MLXIP: variants seen among roughly 807,000 people sequenced by gnomAD.
MLXIP encodes MLX-interacting protein.
In MLXIP, 30 loss-of-function variants were observed where a neutral mutation model predicts 87.2. That is an observed-to-expected ratio of 0.34 (90% CI 0.26 to 0.47). The LOEUF (loss-of-function observed/expected upper bound fraction) is 0.47, where lower values mean the gene tolerates loss of function less well. MLXIP is among the 20% of genes least tolerant of loss of function. The pLI, the probability that MLXIP is intolerant of heterozygous loss-of-function variation, is 1.00. For missense variants in MLXIP, 1,002 were observed against 1,240.1 expected, an observed-to-expected ratio of 0.81 and a Z score of 2.88; for synonymous variants, 530 against 514.0, an observed-to-expected ratio of 1.03 and a Z score of -0.42.
At chr12:122,123,292 G>A (rs1224505130) in intron 1 of MLXIP, among the ~76,000 whole-genome samples, 1 of 152,180 alleles carries the variant, frequency 6.6e-6, no homozygotes. Context: ...CGGGCTGGGG[G>A]TGCAGGCCGT....
At chr12:122,116,792 G>A (rs1952698843) in intron 1 of MLXIP, among the ~76,000 whole-genome samples, 1 of 152,236 alleles carries the variant, frequency 6.6e-6, no homozygotes. Context: ...CAGCTGTCCA[G>A]TGTGGTGGAT....
At chr12:122,126,920 T>C (rs1222350874) in intron 1 of MLXIP, among the ~76,000 whole-genome samples, 1 of 152,150 alleles carries the variant, frequency 6.6e-6, no homozygotes, top group Non-Finnish European at 1.5e-5. Context: ...GCATGCCCAG[T>C]GTTCAGTTTG....
In MLXIP at chr12:122,135,579, T is replaced by C; in HGVS notation, c.1945T>C (p.Phe649Leu). ...SSPPAPVSRL[F>L]PSTAQDPLGK... The stretch of plus-strand genomic sequence containing the variant: ...CCCGCCTGCCCCCGTCTCCCGGCTC[T>C]TCCCAAGCACAGCGCAAGACCCCCT... The change falls in exon 11 of 17, where the codon TTC becomes CTC. Residue 649 changes from phenylalanine (F) to leucine (L), a missense_variant. Coordinates refer to ENST00000319080, the MANE Select transcript of MLXIP (RefSeq NM_014938.6). The surrounding 1 kb of genome is among the most constrained non-coding windows in gnomAD (Gnocchi z 5.3). The C allele has an allele frequency of 6.3e-7, 1 of 1,597,096 alleles. No individual in the cohort carries two copies. The highest frequency in any genetic ancestry group is 1.7e-5 in the Admixed American group (1 of 57,548).
At chr12:122,131,297 G>C (rs921370505) in intron 7 of MLXIP, among the ~76,000 whole-genome samples, 4 of 152,136 alleles carry the variant, frequency 2.6e-5, no homozygotes, top group African/African-American at 9.6e-5. Flanking sequence ...GTGTTTCAGA[G>C]CCCAGGATAG....
At chr12:122,093,032 GTGGTGTGTGTGTA>G (rs1285383381) in intron 1 of MLXIP, among the ~76,000 whole-genome samples, 4 of 142,564 alleles carry the variant, frequency 2.8e-5, no homozygotes, top group Admixed American at 1.4e-4. Flanking sequence ...ATATGTATGT[GTGGTGTGTGTGTA>G]TGGTGTGTGT....
intron 4 of MLXIP, 73 bp downstream of exon 4, chr12:122,129,299 C>A: frequency 2.9e-6 from 4 of 1,367,976 alleles, no homozygotes; most frequent in South Asian, 1.2e-5. Flanking sequence ...GGGCCCTGGC[C>A]GAGGCGGTAG....
At position 122,137,189 on chromosome 12, in the gene MLXIP, A is replaced by G. The variant is rs1356624673; in HGVS notation, c.2033-280A>G. ...AATAATAATAAAGAGCCCACCTGCG[A>G]AATATCTCGTAAAGCGACACCAGTG... On this transcript the variant is annotated intron_variant, in intron 11 of 16. Coordinates refer to ENST00000319080, the MANE Select transcript of MLXIP (RefSeq NM_014938.6). This position sits in a 1 kb window ranked among gnomAD's most constrained non-coding sequence, Gnocchi z 4.1. 3.7e-6 allele frequency: 1 copy of G among 267,988 alleles called. No homozygotes were observed. Among genetic ancestry groups the G allele is most frequent in the Non-Finnish European group, 6.9e-6 (1 of 144,350 alleles). 16.6% of individuals were successfully genotyped at this position (267,988 alleles called of 1,614,324 possible).
chr12:122,100,380 A>C (rs915199205), intron 1 of MLXIP, among the ~76,000 whole-genome samples: 2 of 152,212 alleles, frequency 1.3e-5, no homozygotes, highest in Non-Finnish European at 2.9e-5. Context: ...TTTCTAGATC[A>C]CTGTTTATTT....
chr12:122,106,074 T>C (rs976382989), intron 1 of MLXIP, among the ~76,000 whole-genome samples: 44 of 152,258 alleles, frequency 2.9e-4, no homozygotes, highest in Non-Finnish European at 5.7e-4. Flanking sequence ...GTTGGGACTT[T>C]GATCCTAGGC....
intron 1 of MLXIP, among the ~76,000 whole-genome samples, chr12:122,091,867 G>A (rs1445843368): frequency 1.3e-5 from 2 of 152,138 alleles, no homozygotes; most frequent in African/African-American, 4.8e-5. Flanking sequence ...TGAGCCTAGT[G>A]TTATGAGATT....
intron 1 of MLXIP, among the ~76,000 whole-genome samples, chr12:122,121,971 G>A (rs118062230): frequency 1.3e-5 from 2 of 152,296 alleles, no homozygotes; most frequent in Non-Finnish European, 2.9e-5. Flanking sequence ...CACGTGCCAG[G>A]CCCTGTGCTG....
chr12:122,129,786 TG>T, intron 5 of MLXIP, 154 bp from the exon 6 acceptor site: 1 of 1,282,264 alleles, frequency 7.8e-7, no homozygotes, highest in Non-Finnish European at 1.1e-6. Flanking sequence ...CTCTCCTGGG[TG>T]GGCTGGAGGG....
chr12:122,135,635 G>A lies in MLXIP; in HGVS notation c.2001G>A (p.Gly667=). 1 of 1,544,268 alleles carries A rather than the reference G, an allele frequency of 6.5e-7. No homozygotes were observed. The highest frequency in any genetic ancestry group is 8.7e-7 in the Non-Finnish European group (1 of 1,146,618). ...LGKGEQVPLH[G]GSPQVTVTGP... ...AGGGCGAGCAGGTCCCGCTGCATGG[G>A]GGCAGCCCCCAGGTCACTGTCACAG... is the stretch of plus-strand genomic sequence containing the variant. The change falls in exon 11 of 17, where the codon GGG becomes GGA. Residue 667 remains glycine, a synonymous_variant. Coordinates refer to ENST00000319080, the MANE Select transcript of MLXIP (RefSeq NM_014938.6). This position sits in a 1 kb window ranked among gnomAD's most constrained non-coding sequence, Gnocchi z 5.3.
Position 122,135,695 on chromosome 12 carries a change from G to A in MLXIP, c.2032+29G>A, listed in dbSNP as rs751361313. The A allele has an allele frequency of 3.4e-5, 49 of 1,460,782 alleles. No homozygotes were observed. In the Middle Eastern group the frequency reaches 5.8e-4, roughly 17 times the overall value. The allele number at this position is 1,460,782 out of a possible 1,614,324, so 90.5% of individuals were successfully genotyped here. ...AGTGTTCACTCGGCGGGATGGTTGGGGCATCGCAAGGGAAGTAACTGGGCC... is the reference window on the plus strand; with the variant it reads ...AGTGTTCACTCGGCGGGATGGTTGGAGCATCGCAAGGGAAGTAACTGGGCC... On this transcript the variant is annotated intron_variant, in intron 11 of 16. Coordinates refer to ENST00000319080, the MANE Select transcript of MLXIP (RefSeq NM_014938.6). This position sits in a 1 kb window ranked among gnomAD's most constrained non-coding sequence, Gnocchi z 5.3.
chr12:122,134,176 A>G (rs1953038859), intron 9 of MLXIP, 189 bp downstream of exon 9: 2 of 700,102 alleles, frequency 2.9e-6, no homozygotes. Flanking sequence ...TCCGTTTTCT[A>G]TGCTCTATCT....
intron 1 of MLXIP, among the ~76,000 whole-genome samples, chr12:122,092,994 TTG>T (rs1162855425): frequency 2.1e-5 from 3 of 142,990 alleles, no homozygotes; most frequent in African/African-American, 7.9e-5. Flanking sequence ...GTTGTGTGTG[TTG>T]TGTGTATGTG....
chr12:122,129,913 T>G (rs1324486335), intron 5 of MLXIP, 28 bp from the exon 6 acceptor site: 2 of 1,591,142 alleles, frequency 1.3e-6, no homozygotes, highest in East Asian at 2.2e-5. Context: ...TCTTTGATGC[T>G]TCCTCCCCTG....
chr12:122,105,421 C>A, intron 1 of MLXIP, among the ~76,000 whole-genome samples: 1 of 151,736 alleles, frequency 6.6e-6, no homozygotes, highest in East Asian at 1.9e-4. Flanking sequence ...GATCTCAGCT[C>A]ACCACAACTT....
chr12:122,109,890 C>T (rs978912644), intron 1 of MLXIP, among the ~76,000 whole-genome samples: 1 of 152,176 alleles, frequency 6.6e-6, no homozygotes, highest in African/African-American at 2.4e-5. Context: ...TGTTCGTATG[C>T]TTTTTTGAAT....
Sources: gnomAD v4.1 joint callset for allele counts (sites outside exome capture counted in the v4.1 genomes callset) on GRCh38, gnomAD v4.1.1 for gene constraint, Gnocchi (gnomAD v3.1) non-coding constraint, MANE v1.5 for transcripts, NCBI Gene and HGNC (gene_info 2026-07-23, HGNC 2026-07-21) for gene names.